TUBGCP6: variants seen among roughly 807,000 people sequenced by gnomAD.
TUBGCP6 encodes tubulin gamma complex component 6.
A neutral mutation model predicts 175.8 loss-of-function variants in TUBGCP6; 161 were observed. The ratio of observed to expected loss-of-function variants is 0.92; its 90% CI spans 0.81 to 1.04. The LOEUF (loss-of-function observed/expected upper bound fraction) is 1.04, where lower values mean the gene tolerates loss of function less well. Among genes scored for constraint, TUBGCP6 ranks in the 50% least tolerant of loss-of-function variants. The pLI is 0.00. For synonymous variants in TUBGCP6, 1,173 were observed against 1,030.5 expected (o/e 1.14, Z -2.65); for missense variants, 2,572 against 2,433.0 (o/e 1.06, Z -1.20).
At position 50,219,793 on chromosome 22, in the gene TUBGCP6, T is replaced by C; in HGVS notation, c.4168-2A>G. On this transcript the variant is annotated splice_acceptor_variant, in intron 17 of 24. Transcript: ENST00000248846. LOFTEE classifies it high-confidence loss of function. The stretch of plus-strand genomic sequence containing the variant: ...GCTGCTCTGGGCAGCTGTGTCTTCC[T>C]AACAAAACACCAGCCTCAGAACCAC... 6.2e-7 allele frequency: 1 copy of C among 1,612,364 alleles called. No individual in the cohort carries two copies. Among genetic ancestry groups the C allele is most frequent in the Non-Finnish European group, 8.5e-7 (1 of 1,178,896 alleles).
intron 1 of TUBGCP6, among the ~76,000 whole-genome samples, chr22:50,243,398 A>G (rs2064865329): frequency 6.6e-6 from 1 of 151,286 alleles, no homozygotes; most frequent in African/African-American, 2.4e-5. Flanking sequence ...GGTTACAGTG[A>G]GCCGAGATCG....
chr22:50,225,657 A>C, intron 10 of TUBGCP6, 137 bp downstream of exon 10: 1 of 1,100,078 alleles, frequency 9.1e-7, no homozygotes, highest in Non-Finnish European at 1.2e-6. Flanking sequence ...GCACCCACCC[A>C]GGCCACCGCC....
chr22:50,235,404 G>A (rs2064764497), intron 2 of TUBGCP6, among the ~76,000 whole-genome samples: 2 of 67,276 alleles, frequency 3.0e-5, no homozygotes, highest in African/African-American at 1.4e-4. Flanking sequence ...AACAGAGGAG[G>A]ATAAACACAG....
In TUBGCP6 at chr22:50,227,911, G is replaced by C; in HGVS notation, c.1408C>G (p.Leu470Val). ...AGCCGCCATGCTGAGGCTCACCTGA[G>C]CTGCCGGCCAAGTTTCTTGAAGAGA... ...GFLFKKLGRQ[L>V]RYLAELCGVG... Residue 470 changes from leucine to valine, a missense_variant, in exon 5 of 25, where the codon CTC (leucine) becomes GTC (valine). Coordinates refer to ENST00000248846, the MANE Select transcript of TUBGCP6 (RefSeq NM_020461.4). The C allele has an allele frequency of 6.3e-7, 1 of 1,575,050 alleles. No homozygotes were observed. Among genetic ancestry groups the C allele is most frequent in the African/African-American group, 1.3e-5 (1 of 74,258 alleles).
At chr22:50,235,186 G>A (rs904553820) in intron 2 of TUBGCP6, among the ~76,000 whole-genome samples, 1 of 145,246 alleles carries the variant, frequency 6.9e-6, no homozygotes, top group African/African-American at 2.6e-5. Context: ...CCCTATTCAC[G>A]GCAGCATCAT....
chr22:50,224,958 C>T (rs2064583283), intron 10 of TUBGCP6, among the ~76,000 whole-genome samples: 1 of 152,112 alleles, frequency 6.6e-6, no homozygotes, highest in African/African-American at 2.4e-5. Flanking sequence ...TGACCCCTCA[C>T]CTAGGATGCC....
chr22:50,240,491 C>T (rs2064826531), intron 1 of TUBGCP6, 124 bp from the exon 2 acceptor site: 15 of 1,156,084 alleles, frequency 1.3e-5, no homozygotes, highest in East Asian at 5.1e-5. Flanking sequence ...TTTTCTCAAG[C>T]GCATGTGTAC....
At position 50,220,512 on chromosome 22, in the gene TUBGCP6, A is replaced by G. The variant is rs980255960; in HGVS notation, c.3847T>C (p.Ser1283Pro). Residue 1283 changes from serine to proline, a missense_variant, in exon 16 of 25, where the codon TCA (serine) becomes CCA (proline). Ser to Pro is a moderately conservative substitution (Grantham distance 74). Coordinates refer to ENST00000248846, the MANE Select transcript of TUBGCP6 (RefSeq NM_020461.4). ...GGTGTGTTGGGCTCAGCTTCTGGTG[A>G]GAGAGCCCCCAGCACCATGTGGGGC... The part of the protein sequence containing the change: ...PPPHMVLGAL[S>P]PEAEPNTPRP... The G allele has an allele frequency of 1.2e-6, 2 of 1,613,392 alleles. No homozygotes were observed. Among genetic ancestry groups the G allele is most frequent in the Non-Finnish European group, 1.7e-6 (2 of 1,179,980 alleles).
chr22:50,224,154 C>T lies in TUBGCP6; in HGVS notation c.2257G>A (p.Glu753Lys), dbSNP rs915064141. 5.0e-6 allele frequency: 8 copies of T among 1,613,556 alleles called. No homozygotes were observed. In the Middle Eastern group the frequency reaches 8.3e-4, roughly 168 times the overall value. ...GGGCTGCCCTACCTCGCCTTCCTCT[C>T]CAGCTCCTCCTCCAGGGACTTCAGC... is the stretch of plus-strand genomic sequence containing the variant. ...RRLKSLEEEL[E>K]RKARQALVDH... is the part of the protein sequence containing the mutation. The change falls in exon 13 of 25, where the codon GAG becomes AAG. Residue 753 changes from glutamate (E) to lysine (K), a missense_variant. Coordinates refer to ENST00000248846, the MANE Select transcript of TUBGCP6 (RefSeq NM_020461.4).
Position 50,220,688 on chromosome 22 carries a change from C to G in TUBGCP6, c.3671G>C (p.Arg1224Thr), listed in dbSNP as rs2147177806. Residue 1224 changes from arginine (R) to threonine (T), a missense_variant, in exon 16 of 25, where the codon AGG becomes ACG. Physicochemically the swap from Arg to Thr is moderately conservative, Grantham distance 71. Transcript: ENST00000248846. ...CACGTCCGATACGTTCTCCCCAACC[C>G]TGATGCTGGTGTCAGACACATGTCC... The part of the protein sequence containing the change: ...THGHVSDTSI[R>T]VGENVSDVAP... The G allele has an allele frequency of 6.2e-7, 1 of 1,610,812 alleles. No homozygotes were observed. The highest frequency in any genetic ancestry group is 1.1e-5 in the South Asian group (1 of 90,962).
intron 13 of TUBGCP6, chr22:50,223,351 G>A (rs1469266887): frequency 7.9e-5 from 12 of 152,464 alleles, no homozygotes; most frequent in Admixed American, 3.9e-4. Context: ...AGCCCCTCCC[G>A]TGAGGGGCTC....
chr22:50,228,131 C>T (rs2064639754), intron 4 of TUBGCP6, 103 bp from the exon 5 acceptor site: 3 of 1,346,930 alleles, frequency 2.2e-6, no homozygotes, highest in Middle Eastern at 5.4e-4. Flanking sequence ...TGTTTCTTGC[C>T]TCAGCTCTGG....
intron 1 of TUBGCP6, among the ~76,000 whole-genome samples, chr22:50,243,130 C>T (rs1364693926): frequency 6.6e-6 from 1 of 152,122 alleles, no homozygotes; most frequent in East Asian, 1.9e-4. Flanking sequence ...GCCTGGCCAA[C>T]ATGGTGAAAC....
chr22:50,233,051 G>C (rs1269169678), intron 3 of TUBGCP6, among the ~76,000 whole-genome samples: 1 of 152,262 alleles, frequency 6.6e-6, no homozygotes. Flanking sequence ...GAAATGCGGG[G>C]AGGAACATTT....
intron 2 of TUBGCP6, among the ~76,000 whole-genome samples, chr22:50,236,167 G>A (rs953447010): frequency 5.9e-5 from 9 of 151,460 alleles, no homozygotes; most frequent in Non-Finnish European, 8.8e-5. Flanking sequence ...ACGGAGTCTC[G>A]CTCTGTCACC....
In TUBGCP6 at chr22:50,218,868, C is replaced by T; in HGVS notation, c.4656G>A (p.Leu1552=). Residue 1552 remains leucine, a synonymous_variant, in exon 21 of 25, where the codon CTG becomes CTA. Coordinates refer to ENST00000248846, the MANE Select transcript of TUBGCP6 (RefSeq NM_020461.4). The part of the protein sequence containing the change: ...KLGAGQTPGE[L]LNPLVLNSVL... The stretch of plus-strand genomic sequence containing the variant: ...CAGAGTTCAGCACCAGCGGGTTGAG[C>T]AGCTCTCCGGGCGTTTGCCCAGCTC... The T allele has an allele frequency of 6.2e-7, 1 of 1,613,178 alleles. No homozygotes were observed. Among genetic ancestry groups the T allele is most frequent in the Non-Finnish European group, 8.5e-7 (1 of 1,179,544 alleles).
In TUBGCP6 at chr22:50,218,615, G is replaced by A; in HGVS notation, c.4827C>T (p.Asp1609=). The change falls in exon 22 of 25, where the codon GAC becomes GAT. Residue 1609 remains aspartate (D), a synonymous_variant. Coordinates refer to ENST00000248846, the MANE Select transcript of TUBGCP6 (RefSeq NM_020461.4). ...CGGTGATGACAATGTTGAGAGGCCA[G>A]TCCACCTGCCAGGAGGCGTGGCTCA... ...LSCLELRYKV[D]WPLNIVITEG... The A allele has an allele frequency of 1.2e-6, 2 of 1,613,624 alleles. No homozygotes were observed. The highest frequency in any genetic ancestry group is 1.7e-6 in the Non-Finnish European group (2 of 1,179,838).
chr22:50,218,031 A>G lies in TUBGCP6; in HGVS notation c.5255T>C (p.Ile1752Thr). ...SLVLKFRSQL[I>T]SQAWGPPGGP... ...CCCAGGGGGCCCCCAGGCCTGGGAGATGAGCTGGCTGCGGAACTTGAGCAC... is the reference window on the plus strand; with the variant it reads ...CCCAGGGGGCCCCCAGGCCTGGGAGGTGAGCTGGCTGCGGAACTTGAGCAC... The change falls in exon 24 of 25, where the codon ATC becomes ACC. Residue 1752 changes from isoleucine to threonine, a missense_variant. Ile to Thr is a moderately conservative substitution (Grantham distance 89, BLOSUM62 -1). Coordinates refer to ENST00000248846, the MANE Select transcript of TUBGCP6 (RefSeq NM_020461.4). 6.2e-7 allele frequency: 1 copy of G among 1,613,298 alleles called. No homozygotes were observed. The highest frequency in any genetic ancestry group is 1.7e-5 in the Admixed American group (1 of 60,018).
At position 50,221,199 on chromosome 22, in the gene TUBGCP6, C is replaced by T. The variant is rs780441558; in HGVS notation, c.3160G>A (p.Gly1054Arg). ...APTRPRWNTH[G>R]HVSDASIRVG... ...CTGATGCTGGCGTCAGACACGTGCCCGTGGGTGTTCCACCGTGGCCGGGTG... is the reference window on the plus strand; with the variant it reads ...CTGATGCTGGCGTCAGACACGTGCCTGTGGGTGTTCCACCGTGGCCGGGTG... Residue 1054 changes from glycine (G) to arginine (R), a missense_variant, in exon 16 of 25, where the codon GGG becomes AGG. Physicochemically the swap from Gly to Arg is moderately radical, Grantham distance 125. Coordinates refer to ENST00000248846, the MANE Select transcript of TUBGCP6 (RefSeq NM_020461.4). The T allele has an allele frequency of 2.9e-5, 47 of 1,611,836 alleles. No individual in the cohort carries two copies. Among genetic ancestry groups the T allele is most frequent in the South Asian group, 1.3e-4 (12 of 91,052 alleles).
Sources: gnomAD v4.1 joint callset for allele counts (sites outside exome capture counted in the v4.1 genomes callset) on GRCh38, gnomAD v4.1.1 for gene constraint, MANE v1.5 for transcripts, NCBI Gene and HGNC (gene_info 2026-07-23, HGNC 2026-07-21) for gene names.